The following PPEF1 variants were observed in gnomAD, a reference collection of about 807,000 sequenced individuals.
PPEF1 encodes protein phosphatase with EF-hand domain 1.
A neutral mutation model predicts 53.3 loss-of-function variants in PPEF1; 12 were observed. The observed-to-expected ratio is 0.23, with a 90% CI of 0.14 to 0.36. The LOEUF (loss-of-function observed/expected upper bound fraction) is 0.36, where lower values mean the gene tolerates loss of function less well. Ranked by LOEUF, PPEF1 falls within the 10% of genes least tolerant of loss-of-function variation. The pLI is 1.00. For synonymous variants in PPEF1, 165 were observed against 176.7 expected, an observed-to-expected ratio of 0.93 and a Z score of 0.52; for missense variants, 334 against 490.4, an observed-to-expected ratio of 0.68 and a Z score of 3.01.
intron 3 of PPEF1, among the ~76,000 whole-genome samples, chrX:18,749,302 G>A (rs927869402): frequency 6.2e-5 from 7 of 112,492 alleles, no homozygotes; most frequent in African/African-American, 1.9e-4. Flanking sequence ...AAACAAATCC[G>A]TTACAGCTAA....
chrX:18,728,758 G>T (rs1430980981), intron 1 of PPEF1, among the ~76,000 whole-genome samples: 2 of 111,495 alleles, frequency 1.8e-5, no homozygotes, highest in African/African-American at 6.5e-5. Context: ...AGACGACCAG[G>T]TCCTGGGATA....
intron 5 of PPEF1, among the ~76,000 whole-genome samples, chrX:18,760,159 G>A (rs1000532563): frequency 9.0e-6 from 1 of 110,786 alleles, no homozygotes; most frequent in Non-Finnish European, 1.9e-5. Flanking sequence ...GCTAATTTTT[G>A]TATTTTTAGT....
intron 6 of PPEF1, among the ~76,000 whole-genome samples, chrX:18,767,331 G>T (rs746214423): frequency 3.6e-5 from 4 of 111,892 alleles, no homozygotes; most frequent in Admixed American, 9.4e-5. Context: ...TGGATCATGA[G>T]GTCAGGAGTT....
intron 6 of PPEF1, among the ~76,000 whole-genome samples, chrX:18,701,938 G>C (rs890476045): frequency 1.8e-5 from 2 of 112,166 alleles, no homozygotes; most frequent in Non-Finnish European, 3.8e-5. Context: ...ACCTTCTGGT[G>C]GTCAGTATAG....
intron 1 of PPEF1, among the ~76,000 whole-genome samples, chrX:18,725,984 CT>C (rs1258915612): frequency 9.0e-6 from 1 of 111,309 alleles, no homozygotes; most frequent in Non-Finnish European, 1.9e-5. Flanking sequence ...TAGCTTGCCT[CT>C]TTCTCCGCAT....
chrX:18,702,076 G>A (rs1369204597), intron 6 of PPEF1, among the ~76,000 whole-genome samples: 1 of 112,042 alleles, frequency 8.9e-6, no homozygotes, highest in African/African-American at 3.2e-5. Flanking sequence ...CTACTGGAAA[G>A]GTAGTGATGG....
rs138643599 is a variant in PPEF1, at chrX:18,806,345, T to C, written c.1252-58T>C. ...AGAATTGAGCTATTTCTGACCTTAT[T>C]GAATGACCTTTTGAGAACTAATGTT... On this transcript the variant is annotated intron_variant, in intron 11 of 15. Coordinates refer to ENST00000470157, the MANE Select transcript of PPEF1 (RefSeq NM_001377996.1). 2.0e-4 allele frequency: 219 copies of C among 1,122,097 alleles called. 1 individual carries two copies. In the African/African-American group the frequency reaches 3.5e-3, roughly 18 times the overall value. The allele number at this position is 1,122,097 out of a possible 1,213,427, so 92.5% of individuals were successfully genotyped here.
intron 1 of PPEF1, among the ~76,000 whole-genome samples, chrX:18,708,129 A>G (rs2044241515): frequency 8.9e-6 from 1 of 112,668 alleles, no homozygotes; most frequent in African/African-American, 3.2e-5. Flanking sequence ...TGTAATTTAT[A>G]TGTGTTTCTT....
At chrX:18,711,429 T>G (rs1454395706) in intron 1 of PPEF1, among the ~76,000 whole-genome samples, 1 of 110,945 alleles carries the variant, frequency 9.0e-6, no homozygotes, top group Non-Finnish European at 1.9e-5. Context: ...TGTAACAAAA[T>G]TACACTTATA....
At chrX:18,701,537 T>C (rs1930120725) in intron 6 of PPEF1, among the ~76,000 whole-genome samples, 2 of 112,572 alleles carry the variant, frequency 1.8e-5, no homozygotes, top group South Asian at 7.4e-4. Flanking sequence ...AATTAATGAC[T>C]AAGAGTTCAA....
chrX:18,759,116 C>T (rs139330820), intron 5 of PPEF1, among the ~76,000 whole-genome samples: 24 of 111,257 alleles, frequency 2.2e-4, no homozygotes, highest in Admixed American at 1.1e-3. Context: ...AAGATTAGGG[C>T]GTGACTTAAC....
chrX:18,794,729 G>A (rs192412348), intron 10 of PPEF1, among the ~76,000 whole-genome samples: 27 of 112,301 alleles, frequency 2.4e-4, no homozygotes, highest in East Asian at 8.4e-4. Flanking sequence ...CTTCTGTAAC[G>A]CAGAGCTGAG....
chrX:18,821,848 G>A (rs1473003769), intron 13 of PPEF1, among the ~76,000 whole-genome samples: 3 of 110,190 alleles, frequency 2.7e-5, no homozygotes, highest in Non-Finnish European at 5.7e-5. Flanking sequence ...TGCTGTCTAA[G>A]GCTGAGAGAG....
At chrX:18,707,542 T>C, upstream of PPEF1, 1 of 379,494 alleles carries the variant, frequency 2.6e-6, no homozygotes, top group East Asian at 4.3e-5. Context: ...ACTTTCCACA[T>C]CACATGATGA....
chrX:18,745,185 C>A (rs1332538435), intron 3 of PPEF1, among the ~76,000 whole-genome samples: 1 of 82,600 alleles, frequency 1.2e-5, no homozygotes, highest in Non-Finnish European at 2.3e-5. Flanking sequence ...TATTATATTC[C>A]ATATAATTAT....
chrX:18,731,500 A>G (rs1468722009), intron 2 of PPEF1, among the ~76,000 whole-genome samples: 1 of 112,388 alleles, frequency 8.9e-6, no homozygotes, highest in Non-Finnish European at 1.9e-5. Context: ...TGTCTTTCTA[A>G]GCACTGTAGA....
At chrX:18,804,202 C>CAGAGAAGGCGAGCTTCATCT (rs758564612) in intron 11 of PPEF1, 125 bp downstream of exon 11, 1 of 589,538 alleles carries the variant, frequency 1.7e-6, no homozygotes, top group Non-Finnish European at 2.5e-6. Flanking sequence ...AAACAGAAAC[C>CAGAGAAGGCGAGCTTCATCT]AGAGAAGGCG....
chrX:18,733,951 G>T lies in PPEF1; in HGVS notation c.235+143G>T, dbSNP rs182850446. 592 of 440,307 alleles carry T rather than the reference G, an allele frequency of 1.3e-3. 1 individual carries two copies. The highest frequency in any genetic ancestry group is 2.0e-3 in the Non-Finnish European group (528 of 270,222). The allele number at this position is 440,307 out of a possible 1,213,427, so 36.3% of individuals were successfully genotyped here. A position where few individuals can be genotyped will look rare whatever the true frequency, so the allele number is the denominator to read the frequency against. On this transcript the variant is annotated intron_variant, in intron 3 of 15. Transcript: ENST00000470157. ...TTGTTTATGTGACACCCAACAACTG[G>T]CAACATCAGTTCAAGTGGCCTTTTT...
intron 11 of PPEF1, 29 bp downstream of exon 11, chrX:18,804,106 A>G: frequency 8.8e-7 from 1 of 1,134,129 alleles, no homozygotes; most frequent in Non-Finnish European, 1.2e-6. Flanking sequence ...TGACATTCCC[A>G]TAAACATCCT....
Sources: allele counts gnomAD v4.1 joint callset (sites outside exome capture counted in the v4.1 genomes callset), GRCh38; gene constraint gnomAD v4.1.1; transcripts MANE v1.5; gene names NCBI Gene and HGNC (gene_info 2026-07-23, HGNC 2026-07-21).